The following ERICH2 variants were observed in gnomAD, a reference collection of about 807,000 sequenced individuals.
ERICH2 encodes the protein glutamate-rich protein 2.
A neutral mutation model predicts 17.4 loss-of-function variants in ERICH2; 17 were observed. The observed-to-expected ratio is 0.98, with a 90% confidence interval of 0.67 to 1.47. ERICH2 has a LOEUF of 1.47. ERICH2 is among the 40% of genes most tolerant of loss of function. ERICH2 has a pLI of 0.00. For synonymous variants in ERICH2, 51 were observed against 61.1 expected (o/e 0.83, Z 0.77); for missense variants, 186 against 183.2 (o/e 1.01, Z -0.09).
At chr2:170,772,448 GT>G in the ERICH2 span, among the ~76,000 whole-genome samples, 8 of 152,186 alleles carry the variant, frequency 5.3e-5, no homozygotes, top group African/African-American at 1.4e-4. Context: ...GGTAGGTGGT[GT>G]TTTTATCCAC....
intron 4 of ERICH2, among the ~76,000 whole-genome samples, chr2:170,798,313 GC>G (rs1701479959): frequency 6.6e-6 from 1 of 152,142 alleles, no homozygotes; most frequent in Admixed American, 6.5e-5. Flanking sequence ...GGATAGAACT[GC>G]CCGAGCAGAG....
At chr2:170,781,766 T>C (rs928785057), upstream of ERICH2, among the ~76,000 whole-genome samples, 1 of 92,202 alleles carries the variant, frequency 1.1e-5, no homozygotes, top group African/African-American at 3.0e-5. Context: ...AGTTTAAAGA[T>C]TAAAAGGGAG....
At chr2:170,781,898 A>G (rs1273836616), upstream of ERICH2, among the ~76,000 whole-genome samples, 1 of 152,234 alleles carries the variant, frequency 6.6e-6, no homozygotes, top group Non-Finnish European at 1.5e-5. Context: ...AAATCGATTT[A>G]TAAACTTAAA....
intron 3 of ERICH2, 95 bp from the exon 9 acceptor site, chr2:170,797,946 G>A: frequency 1.3e-6 from 1 of 789,832 alleles, no homozygotes; most frequent in Non-Finnish European, 2.1e-6. Flanking sequence ...CCTTTCACCT[G>A]CTCTGACTGA....
chr2:170,794,489 C>A (rs1463492867), intron 3 of ERICH2, among the ~76,000 whole-genome samples: 1 of 152,076 alleles, frequency 6.6e-6, no homozygotes, highest in Non-Finnish European at 1.5e-5. Flanking sequence ...TCTGCTGTAT[C>A]CAATATGCTG....
chr2:170,774,567 T>C, the ERICH2 span, among the ~76,000 whole-genome samples: 283 of 1,658 alleles, frequency 0.17, 17 homozygotes, highest in East Asian at 0.39. Flanking sequence ...GCCCCATCTT[T>C]TTTTTTTTTT....
chr2:170,783,931 G>C, intron 1 of ERICH2: 2 of 1,549,450 alleles, frequency 1.3e-6, no homozygotes, highest in Non-Finnish European at 1.7e-6. Flanking sequence ...TCCTTTTCAG[G>C]GTAGCATTTT....
intron 1 of ERICH2, chr2:170,783,969 A>G: frequency 1.3e-6 from 2 of 1,486,952 alleles, no homozygotes; most frequent in Non-Finnish European, 9.2e-7. Context: ...TTTGTTTTAG[A>G]GTCATTAGTT....
At chr2:170,794,012 C>A (rs566422386) in intron 3 of ERICH2, among the ~76,000 whole-genome samples, 8 of 151,600 alleles carry the variant, frequency 5.3e-5, no homozygotes, top group Non-Finnish European at 1.2e-4. Context: ...TTCATGATGT[C>A]CCATGTGTAT....
upstream of ERICH2, among the ~76,000 whole-genome samples, chr2:170,781,617 A>T (rs1184144485): frequency 1.4e-5 from 2 of 147,138 alleles, no homozygotes; most frequent in African/African-American, 5.0e-5. Context: ...TGGGTGATAG[A>T]GCGAGACTTG....
At chr2:170,791,753 G>A (rs1337933258) in intron 2 of ERICH2, among the ~76,000 whole-genome samples, 3 of 151,592 alleles carry the variant, frequency 2.0e-5, no homozygotes, top group African/African-American at 7.2e-5. Context: ...GTATGTGAAT[G>A]AGAATTTTGA....
At chr2:170,797,828 T>C (rs1370452843) in intron 3 of ERICH2, among the ~76,000 whole-genome samples, 1 of 147,262 alleles carries the variant, frequency 6.8e-6, no homozygotes, top group Non-Finnish European at 1.5e-5. Flanking sequence ...AGAAAGAAAA[T>C]ATAGTGAGGA....
chr2:170,791,602 A>G, intron 2 of ERICH2, among the ~76,000 whole-genome samples: 1 of 151,228 alleles, frequency 6.6e-6, no homozygotes, highest in East Asian at 1.9e-4. Flanking sequence ...AGGCAGGAGA[A>G]TGGCGTGAAC....
upstream of ERICH2, among the ~76,000 whole-genome samples, chr2:170,783,527 C>T (rs142127663): frequency 7.6e-4 from 115 of 152,022 alleles, no homozygotes; most frequent in African/African-American, 2.4e-3. Flanking sequence ...CCAGCCTGGG[C>T]GACAGAGTGA....
upstream of ERICH2, chr2:170,779,983 T>C (rs981017165): frequency 3.6e-5 from 14 of 392,694 alleles, no homozygotes; most frequent in Admixed American, 4.5e-4. Context: ...GAAAGAATTA[T>C]TTCAGTAGAA....
chr2:170,785,465 T>A (rs1379563089), intron 2 of ERICH2, among the ~76,000 whole-genome samples: 1 of 152,082 alleles, frequency 6.6e-6, no homozygotes, highest in Non-Finnish European at 1.5e-5. Flanking sequence ...GAAAGCTTTC[T>A]ATACACTGGG....
chr2:170,792,848 T>C lies in ERICH2; in HGVS notation c.217-15T>C. On this transcript the variant is annotated splice_polypyrimidine_tract_variant and intron_variant, in intron 2 of 4. Transcript: ENST00000409885. ...CATTTAAATTCACTTATCTGAAGAA[T>C]TTAATGTTTTCCAGTTTCTGAGAGC... The C allele has an allele frequency of 1.3e-6, 2 of 1,486,682 alleles. No homozygotes were observed. The highest frequency in any genetic ancestry group is 1.8e-6 in the Non-Finnish European group (2 of 1,109,720). The allele number at this position is 1,486,682 out of a possible 1,614,324, so 92.1% of individuals were successfully genotyped here.
At chr2:170,782,702 T>A (rs1374760687), upstream of ERICH2, among the ~76,000 whole-genome samples, 1 of 152,234 alleles carries the variant, frequency 6.6e-6, no homozygotes, top group Non-Finnish European at 1.5e-5. Context: ...TTAGAGGCTA[T>A]GGATACAAAA....
chr2:170,783,848 G>C, exon 1 of ERICH2: 1 of 1,550,526 alleles, frequency 6.4e-7, no homozygotes, highest in Non-Finnish European at 8.7e-7. Flanking sequence ...GATGGAGACT[G>C]TAAATGAACC....
Sources: allele counts gnomAD v4.1 joint callset (sites outside exome capture counted in the v4.1 genomes callset), GRCh38; gene constraint gnomAD v4.1.1; transcripts MANE v1.5; gene names NCBI Gene and HGNC (gene_info 2026-07-23, HGNC 2026-07-21).